The following MRTFA variants were observed in gnomAD, a reference collection of about 807,000 sequenced individuals.
MRTFA encodes myocardin related transcription factor A.
In MRTFA, 20 loss-of-function variants were observed where a neutral mutation model predicts 83.5. That is an observed-to-expected ratio of 0.24 (90% CI 0.17 to 0.35). The LOEUF is 0.35. MRTFA is among the 10% of genes least tolerant of loss of function. The pLI is 1.00. For synonymous variants in MRTFA, 659 were observed against 541.2 expected (o/e 1.22, Z -3.02); for missense variants, 1,200 against 1,224.7 (o/e 0.98, Z 0.30).
chr22:40,421,193 A>G (rs2052831629), intron 9 of MRTFA, 93 bp from the exon 10 acceptor site: 1 of 1,393,160 alleles, frequency 7.2e-7, no homozygotes, highest in Non-Finnish European at 9.6e-7. Context: ...GTGGCTTCTG[A>G]GAAGACATCC....
rs117605801 is a variant in MRTFA at position 40,459,363 on chromosome 22, C to T, written c.307+3858G>A. ...GAAACTATTCCCAGTCCTCAACATT[C>T]TCTCTCATAATCTAAGCATTTCTTA... On this transcript the variant is annotated intron_variant, in intron 4 of 14. Coordinates refer to ENST00000355630, the MANE Select transcript of MRTFA (RefSeq NM_020831.6). Among the ~76,000 whole-genome samples, 13 of 151,946 alleles carry T rather than the reference C, an allele frequency of 8.6e-5. No homozygotes were observed. In the East Asian group the frequency reaches 1.6e-3, roughly 18 times the overall value.
chr22:40,595,087 A>C (rs2056171694), intron 1 of MRTFA, among the ~76,000 whole-genome samples: 1 of 151,436 alleles, frequency 6.6e-6, no homozygotes, highest in Admixed American at 6.6e-5. Context: ...ATACCTCTGA[A>C]AACTGCTCTT....
intron 2 of MRTFA, among the ~76,000 whole-genome samples, chr22:40,591,568 C>T (rs946319399): frequency 1.3e-5 from 2 of 152,150 alleles, no homozygotes; most frequent in African/African-American, 4.8e-5. Flanking sequence ...ATGGTGTTTA[C>T]AAGGGATCTT....
chr22:40,613,961 A>C lies in MRTFA; in HGVS notation c.-83-19226T>G, dbSNP rs1408311177. On this transcript the variant is annotated intron_variant, in intron 1 of 14. Coordinates refer to ENST00000355630, the MANE Select transcript of MRTFA (RefSeq NM_020831.6). ...ATGCCTGTAATCCCAGCACTTTGGG[A>C]GGCCGAGGCGGGCGGATCACCTGAG... Among the ~76,000 whole-genome samples the C allele has an allele frequency of 5.3e-5, 8 of 152,200 alleles. No homozygotes were observed. The East Asian group carries it at 1.5e-3, about 29-fold the overall frequency.
At chr22:40,618,806 T>C (rs1191047731) in intron 1 of MRTFA, among the ~76,000 whole-genome samples, 1 of 151,802 alleles carries the variant, frequency 6.6e-6, no homozygotes, top group East Asian at 1.9e-4. Context: ...CTACTAAAAA[T>C]ACAAAAATTA....
rs1480204419 is a variant in MRTFA at position 40,416,384 on chromosome 22, GTCC to G, written c.2578+599_2578+601del. ...CCCTTGCACGGCTACTATCGCCTGG[GTCC>G]TGCATCAGACCAGGCCTTTTCTGCT... is the stretch of plus-strand genomic sequence containing the variant. On this transcript the variant is annotated intron_variant, in intron 14 of 14. Transcript: ENST00000355630. This position sits in a 1 kb window ranked among gnomAD's most constrained non-coding sequence, Gnocchi z 4.2. Among the ~76,000 whole-genome samples the G allele has an allele frequency of 6.6e-6, 1 of 152,236 alleles. No individual in the cohort carries two copies. Among genetic ancestry groups the G allele is most frequent in the African/African-American group, 2.4e-5 (1 of 41,462 alleles).
rs530467127 is a variant in MRTFA, at chr22:40,526,986, G to C, written c.241+25120C>G. Among the ~76,000 whole-genome samples, 6 of 151,928 alleles carry C rather than the reference G, an allele frequency of 3.9e-5. No individual in the cohort carries two copies. In the South Asian group the frequency reaches 1.3e-3, roughly 32 times the overall value. ...AGGGGAGGAGAAAAAAAATACTGGG[G>C]TGCAGCGGTACACGCCTGTGGTCCA... On this transcript the variant is annotated intron_variant, in intron 3 of 14. Coordinates refer to ENST00000355630, the MANE Select transcript of MRTFA (RefSeq NM_020831.6).
chr22:40,609,708 T>C (rs1374896745), intron 1 of MRTFA, among the ~76,000 whole-genome samples: 2 of 151,550 alleles, frequency 1.3e-5, no homozygotes, highest in Non-Finnish European at 2.9e-5. Context: ...GGAGGGCACC[T>C]GTAATCCAGC....
intron 3 of MRTFA, among the ~76,000 whole-genome samples, chr22:40,467,419 T>A (rs1602291966): frequency 6.6e-6 from 1 of 152,208 alleles, no homozygotes; most frequent in Admixed American, 6.5e-5. Flanking sequence ...GCTGTTTATA[T>A]GGAGTTTTTG....
At chr22:40,550,538 G>C (rs1328246345) in intron 3 of MRTFA, among the ~76,000 whole-genome samples, 1 of 152,084 alleles carries the variant, frequency 6.6e-6, no homozygotes, top group African/African-American at 2.4e-5. Flanking sequence ...TCACTAAGTG[G>C]GGATTAACAG....
chr22:40,429,787 G>C lies in MRTFA; in HGVS notation c.440-20C>G, dbSNP rs907369540. ...AGGTCTCTGCCCATGGGAGAGAAAG[G>C]GGTGCAGGAAGATATATGAGTGGAC... On this transcript the variant is annotated intron_variant, in intron 6 of 14. Transcript: ENST00000355630. The C allele has an allele frequency of 6.3e-7, 1 of 1,596,564 alleles. No individual in the cohort carries two copies. Among genetic ancestry groups the C allele is most frequent in the South Asian group, 1.1e-5 (1 of 89,006 alleles).
intron 3 of MRTFA, among the ~76,000 whole-genome samples, chr22:40,490,473 C>A (rs1156383628): frequency 1.3e-5 from 2 of 151,998 alleles, no homozygotes; most frequent in African/African-American, 4.8e-5. Flanking sequence ...GTGGTGGGTA[C>A]CTGTAGTCCC....
intron 3 of MRTFA, among the ~76,000 whole-genome samples, chr22:40,469,139 A>G (rs534015244): frequency 6.6e-6 from 1 of 152,336 alleles, no homozygotes; most frequent in African/African-American, 2.4e-5. Flanking sequence ...ACTCTCAACA[A>G]TAGACAGAAC....
chr22:40,459,239 C>CAAA (rs59958160), intron 4 of MRTFA, among the ~76,000 whole-genome samples: 11 of 87,104 alleles, frequency 1.3e-4, no homozygotes, highest in African/African-American at 3.9e-4. Flanking sequence ...AGGGGTCTGG[C>CAAA]AAAAAAAAAA....
intron 1 of MRTFA, among the ~76,000 whole-genome samples, chr22:40,617,168 A>AGGAGGGAAGGAGGGAAGGAGGGAG (rs1213586558): frequency 1.2e-5 from 1 of 80,826 alleles, no homozygotes; most frequent in Non-Finnish European, 2.4e-5. Context: ...GAAGGAGGGA[A>AGGAGGGAAGGAGGGAAGGAGGGAG]GGAGGGAAGG....
At chr22:40,579,761 G>A (rs2055918544) in intron 2 of MRTFA, among the ~76,000 whole-genome samples, 3 of 151,948 alleles carry the variant, frequency 2.0e-5, no homozygotes, top group South Asian at 2.1e-4. Flanking sequence ...TTGGGAGGCT[G>A]AGACAGGAGA....
intron 2 of MRTFA, among the ~76,000 whole-genome samples, chr22:40,582,400 G>A (rs1051400949): frequency 6.6e-6 from 1 of 152,056 alleles, no homozygotes; most frequent in African/African-American, 2.4e-5. Flanking sequence ...TTTCTGTGTT[G>A]GTATATTTTT....
chr22:40,488,801 C>A lies in MRTFA; in HGVS notation c.242-25515G>T, dbSNP rs572890863. On this transcript the variant is annotated intron_variant, in intron 3 of 14. Coordinates refer to ENST00000355630, the MANE Select transcript of MRTFA (RefSeq NM_020831.6). ...TGAGCCAAGATGGCGCCACTGCACT[C>A]CAGCCTGGGCAACAAGAGCAAAACT... 6.6e-5 allele frequency among the ~76,000 whole-genome samples: 10 copies of A among 152,234 alleles called. No homozygotes were observed. In the South Asian group the frequency reaches 2.1e-3, roughly 32 times the overall value.
At chr22:40,534,946 T>C (rs1194700001) in intron 3 of MRTFA, among the ~76,000 whole-genome samples, 1 of 152,138 alleles carries the variant, frequency 6.6e-6, no homozygotes, top group Non-Finnish European at 1.5e-5. Context: ...CTGAAGGCAA[T>C]ATTTTGTTAT....
Sources: gnomAD v4.1 joint callset for allele counts (sites outside exome capture counted in the v4.1 genomes callset) on GRCh38, gnomAD v4.1.1 for gene constraint, Gnocchi (gnomAD v3.1) non-coding constraint, MANE v1.5 for transcripts, NCBI Gene and HGNC (gene_info 2026-07-23, HGNC 2026-07-21) for gene names.